The following ITIH2 variants were observed in gnomAD, a reference collection of about 807,000 sequenced individuals.
ITIH2 encodes inter-alpha-trypsin inhibitor heavy chain 2, also known as inter-alpha-trypsin inhibitor heavy chain H2.
A neutral mutation model predicts 104.4 loss-of-function variants in ITIH2; 103 were observed. The ratio of observed to expected loss-of-function variants is 0.99; its 90% CI spans 0.84 to 1.16. ITIH2 has a LOEUF of 1.16. ITIH2 is among the 50% of genes most tolerant of loss of function. The probability of loss-of-function intolerance (pLI) is 0.00; values close to 1 mark genes in which losing one functional copy is unlikely to be tolerated. For missense variants in ITIH2, 1,108 were observed against 1,162.4 expected (o/e 0.95, Z 0.68); for synonymous variants, 436 against 435.4 (o/e 1.00, Z -0.02).
At chr10:7,726,861 G>A (rs1437672023) in intron 9 of ITIH2, 89 bp from the exon 10 acceptor site, 1 of 1,145,646 alleles carries the variant, frequency 8.7e-7, no homozygotes, top group Non-Finnish European at 1.2e-6. Flanking sequence ...GAACTTGAAA[G>A]ATGACCAGGA....
At position 7,732,484 on chromosome 10, in the gene ITIH2, A is replaced by G. The variant is rs767829028; in HGVS notation, c.1787+7A>G. 5 of 1,611,508 alleles carry G rather than the reference A, an allele frequency of 3.1e-6. No homozygotes were observed. The East Asian group carries it at 1.1e-4, about 36-fold the overall frequency. ...ACCAACTGCTAGCTGAACGGTAAGAAGAGAAGAGTACCCACACCACGAGAT... is the reference window on the plus strand; with the variant it reads ...ACCAACTGCTAGCTGAACGGTAAGAGGAGAAGAGTACCCACACCACGAGAT... On this transcript the variant is annotated splice_region_variant and intron_variant, in intron 14 of 20. Coordinates refer to ENST00000358415, the MANE Select transcript of ITIH2 (RefSeq NM_002216.3).
intron 8 of ITIH2, 67 bp from the exon 9 acceptor site, chr10:7,723,384 G>A: frequency 2.0e-6 from 2 of 993,794 alleles, no homozygotes; most frequent in Admixed American, 1.7e-5. Flanking sequence ...TGAGTCCCCA[G>A]GTCCCCATCT....
Position 7,741,333 on chromosome 10 carries a change from C to A in ITIH2, c.2096-1813C>A, listed in dbSNP as rs563012660. On this transcript the variant is annotated intron_variant, in intron 16 of 20. Transcript: ENST00000358415. ...AGCTGGGATTACTGGTGCCCGCCAC[C>A]ACACCCGGCTAATTTTTTGTATTTT... is the stretch of plus-strand genomic sequence containing the variant. Among the ~76,000 whole-genome samples the A allele has an allele frequency of 1.2e-3, 177 of 152,154 alleles. No individual in the cohort carries two copies. The Middle Eastern group carries it at 0.017, about 15-fold the overall frequency.
intron 3 of ITIH2, among the ~76,000 whole-genome samples, chr10:7,708,554 G>A (rs537512132): frequency 1.3e-5 from 2 of 152,230 alleles, no homozygotes; most frequent in East Asian, 3.9e-4. Context: ...GTAAGGGGGG[G>A]TTGGTGGAGG....
intron 4 of ITIH2, among the ~76,000 whole-genome samples, chr10:7,712,631 C>T (rs1279860043): frequency 6.6e-6 from 1 of 152,188 alleles, no homozygotes; most frequent in African/African-American, 2.4e-5. Flanking sequence ...AACAACAGTA[C>T]ATGAGGGAAA....
chr10:7,735,475 G>A (rs578188601), intron 15 of ITIH2, among the ~76,000 whole-genome samples: 1 of 152,206 alleles, frequency 6.6e-6, no homozygotes, highest in South Asian at 2.1e-4. Context: ...TGAGGCAGGA[G>A]GATCTCTCGA....
chr10:7,715,892 C>A (rs191798128), intron 5 of ITIH2, among the ~76,000 whole-genome samples: 1 of 152,062 alleles, frequency 6.6e-6, no homozygotes, highest in Admixed American at 6.6e-5. Context: ...AGGCACCCAC[C>A]ACCACACCTG....
intron 16 of ITIH2, 150 bp downstream of exon 16, chr10:7,738,908 G>A (rs1387221297): frequency 6.9e-5 from 45 of 652,266 alleles, no homozygotes; most frequent in Non-Finnish European, 1.0e-4. Context: ...TTTTTCTATA[G>A]AAATACAGCT....
At chr10:7,716,771 T>A (rs1345568099) in intron 5 of ITIH2, among the ~76,000 whole-genome samples, 6 of 150,092 alleles carry the variant, frequency 4.0e-5, no homozygotes, top group African/African-American at 1.5e-4. Context: ...ACATACTCAA[T>A]TTGAGCAATA....
At chr10:7,729,791 C>A (rs538077577) in intron 11 of ITIH2, 161 bp from the exon 12 acceptor site, 1 of 526,504 alleles carries the variant, frequency 1.9e-6, no homozygotes. Context: ...TCAACATGTA[C>A]GAGTGCATCT....
Position 7,732,009 on chromosome 10 carries a change from A to C in ITIH2, c.1647+13A>C, listed in dbSNP as rs1468095220. The C allele has an allele frequency of 6.3e-7, 1 of 1,599,822 alleles. No individual in the cohort carries two copies. Among genetic ancestry groups the C allele is most frequent in the South Asian group, 1.1e-5 (1 of 90,272 alleles). On this transcript the variant is annotated intron_variant, in intron 13 of 20. Coordinates refer to ENST00000358415, the MANE Select transcript of ITIH2 (RefSeq NM_002216.3). The stretch of plus-strand genomic sequence containing the variant: ...CACGGCGACTTCGGTACTTCCACTT[A>C]TCCATTTATTCTATCTACTAACTGA...
intron 19 of ITIH2, among the ~76,000 whole-genome samples, chr10:7,746,059 T>C (rs1175008469): frequency 1.4e-5 from 1 of 72,790 alleles, no homozygotes; most frequent in Non-Finnish European, 2.3e-5. Flanking sequence ...CGGCCCCAAA[T>C]CTTAAATTTA....
At position 7,721,467 on chromosome 10, in the gene ITIH2, G is replaced by A. The variant is rs145174062; in HGVS notation, c.739-182G>A. Among the ~76,000 whole-genome samples the A allele has an allele frequency of 6.5e-3, 983 of 152,320 alleles. 10 individuals are homozygous for A. The highest frequency in any genetic ancestry group is 0.011 in the South Asian group (53 of 4,832). ...TGAAACCTTGCAAACAGCATGGCAG[G>A]CTAGAGATGCTCCCTGCAAAAGCCC... is the stretch of plus-strand genomic sequence containing the variant. On this transcript the variant is annotated intron_variant, in intron 7 of 20. Transcript: ENST00000358415.
At position 7,731,594 on chromosome 10, in the gene ITIH2, G is replaced by A. The variant is rs571639448; in HGVS notation, c.1462-217G>A. 3.3e-5 allele frequency among the ~76,000 whole-genome samples: 5 copies of A among 152,134 alleles called. No individual in the cohort carries two copies. In the East Asian group the frequency reaches 5.8e-4, roughly 18 times the overall value. On this transcript the variant is annotated intron_variant, in intron 12 of 20. Coordinates refer to ENST00000358415, the MANE Select transcript of ITIH2 (RefSeq NM_002216.3). Reference sequence around the variant, plus strand: ...ACAAAAATTAGCCGGGCTTGGTGGCGGGTGCCCGTAATCCCAGCTACTTGT... The same window carrying A: ...ACAAAAATTAGCCGGGCTTGGTGGCAGGTGCCCGTAATCCCAGCTACTTGT...
chr10:7,715,384 G>A (rs928795053), intron 5 of ITIH2, among the ~76,000 whole-genome samples: 1 of 151,802 alleles, frequency 6.6e-6, no homozygotes, highest in African/African-American at 2.4e-5. Context: ...TTGTGCCACT[G>A]CATTCCAGCC....
At chr10:7,732,167 C>G (rs1835009712) in intron 13 of ITIH2, among the ~76,000 whole-genome samples, 171 bp downstream of exon 13, 1 of 152,190 alleles carries the variant, frequency 6.6e-6, no homozygotes, top group Non-Finnish European at 1.5e-5. Context: ...TAAATCCTGA[C>G]CTTTTCACCC....
intron 2 of ITIH2, among the ~76,000 whole-genome samples, chr10:7,705,579 G>A (rs1245910756): frequency 1.3e-5 from 2 of 151,568 alleles, no homozygotes; most frequent in East Asian, 1.9e-4. Flanking sequence ...GCATGCACCT[G>A]TAATCCCAGC....
intron 7 of ITIH2, 148 bp downstream of exon 7, chr10:7,721,111 C>A: frequency 1.6e-6 from 1 of 608,626 alleles, no homozygotes. Flanking sequence ...AGCCTAGGGC[C>A]TCCCCAGGAT....
At chr10:7,707,418 G>C in intron 3 of ITIH2, among the ~76,000 whole-genome samples, 185 bp downstream of exon 3, 1 of 152,246 alleles carries the variant, frequency 6.6e-6, no homozygotes, top group East Asian at 1.9e-4. Flanking sequence ...TTTACAGACA[G>C]GAGAGAGGCC....
Sources: gnomAD v4.1 joint callset for allele counts (sites outside exome capture counted in the v4.1 genomes callset) on GRCh38, gnomAD v4.1.1 for gene constraint, MANE v1.5 for transcripts, NCBI Gene and HGNC (gene_info 2026-07-23, HGNC 2026-07-21) for gene names.